GAP43: variants seen among roughly 807,000 people sequenced by gnomAD.
The protein encoded by GAP43 is growth associated protein 43.
A neutral mutation model predicts 18.6 loss-of-function variants in GAP43; 6 were observed. The ratio of observed to expected loss-of-function variants is 0.32; its 90% confidence interval spans 0.18 to 0.64. GAP43 has a LOEUF of 0.64. Ranked by LOEUF, GAP43 falls within the 30% of genes least tolerant of loss-of-function variation. The pLI is 0.78. For synonymous variants in GAP43, 115 were observed against 111.4 expected (o/e 1.03, Z -0.20); for missense variants, 292 against 295.5 (o/e 0.99, Z 0.09).
chr3:115,676,026 A>G lies in GAP43; in HGVS notation c.44A>G (p.Asp15Gly). ...TTCTCGACAAAGGTTGAAAAAAATG[A>G]TGACGACCAAAAGATTGAACAAGAT... ...MRRTKQVEKN[D>G]DDQKIEQDGI... The change falls in exon 2 of 3, where the codon GAT becomes GGT. Residue 15 changes from aspartate to glycine, a missense_variant. Asp to Gly is a moderately conservative substitution (Grantham distance 94). Transcript: ENST00000305124. The G allele has an allele frequency of 6.3e-7, 1 of 1,597,258 alleles. No individual in the cohort carries two copies. Among genetic ancestry groups the G allele is most frequent in the Non-Finnish European group, 8.5e-7 (1 of 1,173,198 alleles).
intron 1 of GAP43, among the ~76,000 whole-genome samples, chr3:115,657,847 C>T (rs1365485070): frequency 6.6e-6 from 1 of 152,104 alleles, no homozygotes; most frequent in African/African-American, 2.4e-5. Context: ...CGTGAGCCGC[C>T]GTACCCAGCC....
chr3:115,677,071 G>A (rs1323435581), intron 2 of GAP43, among the ~76,000 whole-genome samples: 1 of 152,192 alleles, frequency 6.6e-6, no homozygotes, highest in African/African-American at 2.4e-5. Flanking sequence ...ATTATATAGT[G>A]TGTGAATTGT....
At chr3:115,718,293 G>C (rs1170534624) in intron 2 of GAP43, among the ~76,000 whole-genome samples, 1 of 152,108 alleles carries the variant, frequency 6.6e-6, no homozygotes, top group East Asian at 1.9e-4. Context: ...AAACTACCTT[G>C]GGCATACTTG....
At chr3:115,688,142 G>A (rs1172969923) in intron 2 of GAP43, among the ~76,000 whole-genome samples, 1 of 151,926 alleles carries the variant, frequency 6.6e-6, no homozygotes, top group Non-Finnish European at 1.5e-5. Flanking sequence ...TCAGCCTCCC[G>A]AGTAGCTGGG....
intron 1 of GAP43, among the ~76,000 whole-genome samples, chr3:115,636,115 C>T (rs1206403526): frequency 1.3e-5 from 2 of 152,070 alleles, no homozygotes; most frequent in South Asian, 2.1e-4. Context: ...GGAAAATTAA[C>T]TTTCCATTAT....
At chr3:115,673,581 G>A in intron 1 of GAP43, among the ~76,000 whole-genome samples, 1 of 152,222 alleles carries the variant, frequency 6.6e-6, no homozygotes, top group East Asian at 1.9e-4. Flanking sequence ...ACTCAAGGTA[G>A]AGTAAAATAA....
chr3:115,681,691 T>A (rs1708959315), intron 2 of GAP43, among the ~76,000 whole-genome samples: 1 of 152,230 alleles, frequency 6.6e-6, no homozygotes, highest in African/African-American at 2.4e-5. Context: ...AAAAGTCTAA[T>A]AATAGGTAGC....
intron 1 of GAP43, among the ~76,000 whole-genome samples, chr3:115,671,117 T>C (rs954463379): frequency 3.9e-5 from 6 of 152,202 alleles, no homozygotes; most frequent in African/African-American, 1.2e-4. Flanking sequence ...CCCAGATGAA[T>C]GGATGATGTT....
intron 2 of GAP43, among the ~76,000 whole-genome samples, chr3:115,700,975 T>C (rs1357392012): frequency 6.6e-6 from 1 of 152,144 alleles, no homozygotes; most frequent in African/African-American, 2.4e-5. Flanking sequence ...CCCAGTCAAA[T>C]GACAGTAAGA....
In GAP43 at chr3:115,637,594, G is replaced by A. The variant is rs551234335; in HGVS notation, c.30+13875G>A. 3.3e-5 allele frequency among the ~76,000 whole-genome samples: 5 copies of A among 152,022 alleles called. No individual in the cohort carries two copies. The East Asian group carries it at 9.7e-4, about 29-fold the overall frequency. ...TATTCAGCGTTTTGTCCTTATACTTGCATGTTCTTACTCAACACAAGTTCT... is the reference window on the plus strand; with the variant it reads ...TATTCAGCGTTTTGTCCTTATACTTACATGTTCTTACTCAACACAAGTTCT... On this transcript the variant is annotated intron_variant, in intron 1 of 2. Transcript: ENST00000305124.
intron 1 of GAP43, among the ~76,000 whole-genome samples, chr3:115,629,621 T>G (rs1359289022): frequency 6.6e-6 from 1 of 152,328 alleles, no homozygotes; most frequent in East Asian, 1.9e-4. Flanking sequence ...GTACTATCTC[T>G]ATTATCACTT....
Position 115,639,004 on chromosome 3 carries a change from A to G in GAP43, c.30+15285A>G, listed in dbSNP as rs79938577. ...TATGTCCATGTATAGATCTAGTTGAATGCTTTGCACACTATGGTTTCTCAT... is the reference window on the plus strand; with the variant it reads ...TATGTCCATGTATAGATCTAGTTGAGTGCTTTGCACACTATGGTTTCTCAT... On this transcript the variant is annotated intron_variant, in intron 1 of 2. Transcript: ENST00000305124. Among the ~76,000 whole-genome samples the G allele has an allele frequency of 4.3e-3, 649 of 152,182 alleles. 5 individuals are homozygous for G. Among genetic ancestry groups the G allele is most frequent in the African/African-American group, 0.015 (640 of 41,540 alleles).
chr3:115,628,047 A>G (rs1333923725), intron 1 of GAP43, among the ~76,000 whole-genome samples: 1 of 152,130 alleles, frequency 6.6e-6, no homozygotes, highest in South Asian at 2.1e-4. Context: ...GGGCTTAAAC[A>G]TACTTGATGT....
intron 2 of GAP43, among the ~76,000 whole-genome samples, chr3:115,700,869 A>G (rs2107367739): frequency 6.6e-6 from 1 of 152,300 alleles, no homozygotes; most frequent in South Asian, 2.1e-4. Flanking sequence ...AGATGAGTTT[A>G]TAATTATCTT....
At chr3:115,689,752 G>T (rs2107357702) in intron 2 of GAP43, among the ~76,000 whole-genome samples, 1 of 152,190 alleles carries the variant, frequency 6.6e-6, no homozygotes, top group South Asian at 2.1e-4. Flanking sequence ...AGGGAGAGTA[G>T]GAGGGAAGAA....
intron 2 of GAP43, among the ~76,000 whole-genome samples, chr3:115,680,521 C>A (rs1350595061): frequency 2.0e-5 from 3 of 152,160 alleles, no homozygotes; most frequent in Admixed American, 1.3e-4. Flanking sequence ...TGAATTCTTA[C>A]TTGGTATGGG....
chr3:115,659,327 A>G (rs1708627281), intron 1 of GAP43, among the ~76,000 whole-genome samples: 1 of 152,046 alleles, frequency 6.6e-6, no homozygotes, highest in Non-Finnish European at 1.5e-5. Context: ...TGAACTTTCC[A>G]TTTCTCACTA....
At chr3:115,663,582 C>G in intron 1 of GAP43, 1 of 1,306,386 alleles carries the variant, frequency 7.7e-7, no homozygotes, top group Non-Finnish European at 9.7e-7. Flanking sequence ...TTTTCCCTGT[C>G]AAAATCTTCA....
Position 115,676,224 on chromosome 3 carries a change from A to G in GAP43, c.242A>G (p.Lys81Arg). Residue 81 changes from lysine to arginine, a missense_variant, in exon 2 of 3, where the codon AAG becomes AGG. Lys to Arg is a conservative substitution (Grantham distance 26, BLOSUM62 2). Coordinates refer to ENST00000305124, the MANE Select transcript of GAP43 (RefSeq NM_002045.4). ...CCTGTTGCCGATGGGGTGGAGAAGA[A>G]GGGAGAAGGCACCACTACTGCCGAA... is the stretch of plus-strand genomic sequence containing the variant. ...EAPVADGVEK[K>R]GEGTTTAEAA... The G allele has an allele frequency of 6.2e-7, 1 of 1,614,170 alleles. No homozygotes were observed. The highest frequency in any genetic ancestry group is 8.5e-7 in the Non-Finnish European group (1 of 1,180,024).
Sources: allele counts gnomAD v4.1 joint callset (sites outside exome capture counted in the v4.1 genomes callset), GRCh38; gene constraint gnomAD v4.1.1; transcripts MANE v1.5; gene names NCBI Gene and HGNC (gene_info 2026-07-23, HGNC 2026-07-21).